GASK1A: variants seen among roughly 807,000 people sequenced by gnomAD.
GASK1A encodes the protein golgi associated kinase 1A.
Under a neutral mutation model 41.2 loss-of-function variants are expected in GASK1A, and 40 were observed. The observed-to-expected ratio is 0.97, with a 90% CI of 0.75 to 1.27. GASK1A has a LOEUF of 1.27. GASK1A is among the 50% of genes most tolerant of loss of function. GASK1A has a pLI of 0.00. For missense variants in GASK1A, 678 were observed against 745.1 expected (o/e 0.91, Z 1.05); for synonymous variants, 316 against 307.1 (o/e 1.03, Z -0.30).
chr3:43,043,931 A>G (rs953488481), intron 2 of GASK1A, among the ~76,000 whole-genome samples: 2 of 152,226 alleles, frequency 1.3e-5, no homozygotes, highest in African/African-American at 4.8e-5. Flanking sequence ...AAAACCAACC[A>G]GACAGTGTGG....
At chr3:43,054,984 G>A (rs2089709091) in intron 3 of GASK1A, among the ~76,000 whole-genome samples, 1 of 152,140 alleles carries the variant, frequency 6.6e-6, no homozygotes, top group African/African-American at 2.4e-5. Context: ...CCGAGGAGCA[G>A]GCTACCTTGG....
At chr3:43,018,294 C>T (rs577995517) in intron 1 of GASK1A, among the ~76,000 whole-genome samples, 2 of 152,288 alleles carry the variant, frequency 1.3e-5, no homozygotes, top group African/African-American at 4.8e-5. Flanking sequence ...ATCATATTAG[C>T]ACATATGTTG....
intron 2 of GASK1A, among the ~76,000 whole-genome samples, chr3:43,036,134 C>G (rs572356505): frequency 6.6e-6 from 1 of 152,362 alleles, no homozygotes; most frequent in East Asian, 1.9e-4. Flanking sequence ...GACTCTTCCT[C>G]AGCTGCCAAC....
intron 2 of GASK1A, among the ~76,000 whole-genome samples, chr3:43,038,991 A>G (rs1219960651): frequency 2.0e-5 from 3 of 151,380 alleles, no homozygotes; most frequent in Admixed American, 6.6e-5. Context: ...TGCTTAATAA[A>G]CATCTTTATT....
At chr3:43,055,040 A>G (rs1224112400) in intron 3 of GASK1A, among the ~76,000 whole-genome samples, 1 of 152,192 alleles carries the variant, frequency 6.6e-6, no homozygotes, top group Middle Eastern at 3.2e-3. Flanking sequence ...CAGCCACCAA[A>G]ATAGGATCAG....
chr3:43,007,526 C>T (rs191111067), intron 1 of GASK1A, among the ~76,000 whole-genome samples: 1 of 152,258 alleles, frequency 6.6e-6, no homozygotes, highest in African/African-American at 2.4e-5. Flanking sequence ...AGCACCAGTC[C>T]TTTACCTGTT....
intron 1 of GASK1A, among the ~76,000 whole-genome samples, chr3:43,019,603 A>G (rs1490310131): frequency 1.3e-5 from 2 of 152,160 alleles, no homozygotes; most frequent in Admixed American, 6.5e-5. Flanking sequence ...AGAAACTCCA[A>G]ATTCCCAAAT....
chr3:43,031,353 G>A (rs999261759), intron 1 of GASK1A, among the ~76,000 whole-genome samples: 1 of 152,092 alleles, frequency 6.6e-6, no homozygotes, highest in Admixed American at 6.5e-5. Flanking sequence ...TCAAGCTTAA[G>A]CCCACATCAG....
intron 1 of GASK1A, among the ~76,000 whole-genome samples, chr3:43,010,073 C>T (rs902231436): frequency 6.6e-6 from 1 of 152,172 alleles, no homozygotes; most frequent in African/African-American, 2.4e-5. Context: ...GAAGCTGCCT[C>T]CTGCCCCAGG....
At chr3:43,040,876 T>TA (rs1553615983) in intron 2 of GASK1A, among the ~76,000 whole-genome samples, 2 of 90,080 alleles carry the variant, frequency 2.2e-5, no homozygotes, top group Non-Finnish European at 4.9e-5. Flanking sequence ...ATGCTATCCC[T>TA]CCCCCCCGCC....
intron 1 of GASK1A, among the ~76,000 whole-genome samples, chr3:42,990,334 A>G (rs2089333510): frequency 6.8e-6 from 1 of 146,094 alleles, no homozygotes; most frequent in Non-Finnish European, 1.5e-5. Context: ...TGGGTGACAG[A>G]GTGAGACCCC....
chr3:43,013,820 C>G (rs767315390), intron 1 of GASK1A, among the ~76,000 whole-genome samples: 3 of 150,936 alleles, frequency 2.0e-5, no homozygotes, highest in Non-Finnish European at 4.4e-5. Flanking sequence ...CACAAAGGGG[C>G]TAGGTGAGGT....
chr3:43,033,085 G>T lies in GASK1A; in HGVS notation c.822G>T (p.Gln274His). ...TGCAGATGCTCCGTCTGTTGGCACA[G>T]GGGGAGGTGGTGGACAAAGCCAGGG... The part of the protein sequence containing the change: ...HDVQMLRLLA[Q>H]GEVVDKARVP... Residue 274 changes from glutamine (Q) to histidine (H), a missense_variant, in exon 2 of 5, where the codon CAG becomes CAT. By Grantham distance (24) the Gln-to-His change is conservative. Coordinates refer to ENST00000430121, the MANE Select transcript of GASK1A (RefSeq NM_001129908.3). 1 of 1,551,720 alleles carries T rather than the reference G, an allele frequency of 6.4e-7. No individual in the cohort carries two copies. Among genetic ancestry groups the T allele is most frequent in the Non-Finnish European group, 8.7e-7 (1 of 1,146,996 alleles).
Position 43,002,612 on chromosome 3 carries a change from T to C in GASK1A, c.3+22967T>C, listed in dbSNP as rs76219624. The stretch of plus-strand genomic sequence containing the variant: ...GGTCTGAATTGAGATGTGCTGTTTG[T>C]GTGAAATACACATTGGATATCAAAG... On this transcript the variant is annotated intron_variant, in intron 1 of 4. Transcript: ENST00000430121. Among the ~76,000 whole-genome samples, 50 of 152,332 alleles carry C rather than the reference T, an allele frequency of 3.3e-4. No homozygotes were observed. In the East Asian group the frequency reaches 9.6e-3, roughly 29 times the overall value.
chr3:43,018,563 A>G (rs985591741), intron 1 of GASK1A, among the ~76,000 whole-genome samples: 4 of 152,158 alleles, frequency 2.6e-5, no homozygotes, highest in Non-Finnish European at 2.9e-5. Context: ...CTACCTCTCA[A>G]ATATGCCCAG....
Position 42,979,530 on chromosome 3 carries a change from C to A in GASK1A, c.-113C>A. On this transcript the variant is annotated 5_prime_UTR_variant, in exon 1 of 5. Coordinates refer to ENST00000430121, the MANE Select transcript of GASK1A (RefSeq NM_001129908.3). The stretch of plus-strand genomic sequence containing the variant: ...GAAACCCGCCCCAGCCGAGTAGCCG[C>A]GCATCCTGGGAAGCCTGGCGAGCCA... The A allele has an allele frequency of 8.8e-7, 1 of 1,141,302 alleles. No homozygotes were observed. The highest frequency in any genetic ancestry group is 1.1e-6 in the Non-Finnish European group (1 of 903,608). The allele number at this position is 1,141,302 out of a possible 1,614,324, so 70.7% of individuals were successfully genotyped here. A position where few individuals can be genotyped will look rare whatever the true frequency, so the allele number is the denominator to read the frequency against.
chr3:43,042,167 C>G (rs1275248976), intron 2 of GASK1A, among the ~76,000 whole-genome samples: 1 of 151,940 alleles, frequency 6.6e-6, no homozygotes, highest in Non-Finnish European at 1.5e-5. Context: ...TTCATTATTC[C>G]TACTTATTGA....
chr3:43,015,260 TCAGGAAGGGGCTGTGGGAAGCCA>T (rs1425573505), intron 1 of GASK1A, among the ~76,000 whole-genome samples: 7 of 81,266 alleles, frequency 8.6e-5, no homozygotes, highest in East Asian at 4.0e-4. Context: ...GTGCGAATTC[TCAGGAAGGGGCTGTGGGAAGCCA>T]CAGGAAGGGG....
chr3:43,043,447 C>T (rs2089647800), intron 2 of GASK1A, among the ~76,000 whole-genome samples: 1 of 152,214 alleles, frequency 6.6e-6, no homozygotes, highest in South Asian at 2.1e-4. Flanking sequence ...CCTACTATAT[C>T]CTTCATGCTG....
Sources: gnomAD v4.1 joint callset for allele counts (sites outside exome capture counted in the v4.1 genomes callset) on GRCh38, gnomAD v4.1.1 for gene constraint, MANE v1.5 for transcripts, NCBI Gene and HGNC (gene_info 2026-07-23, HGNC 2026-07-21) for gene names.